The following OR8K1 variants were observed in gnomAD, a reference collection of about 807,000 sequenced individuals.
OR8K1 encodes the protein olfactory receptor family 8 subfamily K member 1.
For synonymous variants in OR8K1, 157 were observed against 139.4 expected, an observed-to-expected ratio of 1.13 and a Z score of -0.89; for missense variants, 417 against 374.0, an observed-to-expected ratio of 1.11 and a Z score of -0.95.
Position 56,346,830 on chromosome 11 carries a change from T to G in OR8K1, c.792T>G (p.Ile264Met). 1 of 1,614,064 alleles carries G rather than the reference T, an allele frequency of 6.2e-7. No homozygotes were observed. Among genetic ancestry groups the G allele is most frequent in the South Asian group, 1.1e-5 (1 of 91,082 alleles). Residue 264 changes from isoleucine (I) to methionine (M), a missense_variant, in exon 1 of 1, where the codon ATT (isoleucine) becomes ATG (methionine). Physicochemically the swap from Ile to Met is conservative, Grantham distance 10 (BLOSUM62 1). Transcript: ENST00000279783. Reference sequence around the variant, plus strand: ...TGTTCTATGGGACATTGTTATTTATTTACTTGCAACCCAAGTCCAGTCATA... The same window carrying G: ...TGTTCTATGGGACATTGTTATTTATGTACTTGCAACCCAAGTCCAGTCATA... ...VIMFYGTLLFIYLQPKSSHTL... is the reference protein window; with the variant it reads ...VIMFYGTLLFMYLQPKSSHTL...
In OR8K1 at chr11:56,346,074, G is replaced by A; in HGVS notation, c.36G>A (p.Val12=). ...NHVVKHNHTA[V]TKVTEFILMG... ...TGGTAAAACACAATCACACGGCAGT[G>A]ACCAAGGTGACTGAATTTATTCTCA... Residue 12 remains valine (V), a synonymous_variant, in exon 1 of 1, where the codon GTG becomes GTA. Transcript: ENST00000279783. 3 of 1,611,428 alleles carry A rather than the reference G, an allele frequency of 1.9e-6. No homozygotes were observed. The highest frequency in any genetic ancestry group is 8.5e-7 in the Non-Finnish European group (1 of 1,177,956).
chr11:56,346,091 T>G lies in OR8K1; in HGVS notation c.53T>G (p.Phe18Cys). The G allele has an allele frequency of 6.2e-7, 1 of 1,613,216 alleles. No homozygotes were observed. The highest frequency in any genetic ancestry group is 8.5e-7 in the Non-Finnish European group (1 of 1,179,336). Residue 18 changes from phenylalanine to cysteine, a missense_variant, in exon 1 of 1, where the codon TTT becomes TGT. By Grantham distance (205) the Phe-to-Cys change is radical (BLOSUM62 -2). Transcript: ENST00000279783. Reference sequence around the variant, plus strand: ...ACGGCAGTGACCAAGGTGACTGAATTTATTCTCATGGGGATTACAGACAAC... The same window carrying G: ...ACGGCAGTGACCAAGGTGACTGAATGTATTCTCATGGGGATTACAGACAAC... ...NHTAVTKVTE[F>C]ILMGITDNPG...
In OR8K1 at chr11:56,346,720, C is replaced by G; in HGVS notation, c.682C>G (p.Leu228Val). 2 of 1,613,852 alleles carry G rather than the reference C, an allele frequency of 1.2e-6. No homozygotes were observed. Among genetic ancestry groups the G allele is most frequent in the Non-Finnish European group, 1.7e-6 (2 of 1,179,826 alleles). Residue 228 changes from leucine (L) to valine (V), a missense_variant, in exon 1 of 1, where the codon CTA (leucine) becomes GTA (valine). Coordinates refer to ENST00000279783, the MANE Select transcript of OR8K1 (RefSeq NM_001002907.1). ...SIVLISYMFI[L>V]VAILRMNSRK... ...TGTTCTCATATCCTACATGTTTATT[C>G]TAGTGGCCATTCTCAGAATGAACTC... is the stretch of plus-strand genomic sequence containing the variant.
At position 56,346,245 on chromosome 11, in the gene OR8K1, T is replaced by C. The variant is rs779914918; in HGVS notation, c.207T>C (p.Leu69=). Residue 69 remains leucine (L), a synonymous_variant, in exon 1 of 1, where the codon CTT becomes CTC. Coordinates refer to ENST00000279783, the MANE Select transcript of OR8K1 (RefSeq NM_001002907.1). ...SKLHTPMYFF[L]RHLSITDLGY... is the part of the protein sequence containing the mutation. ...TACACACCCCCATGTACTTTTTCCT[T>C]AGACATTTGTCAATCACTGATCTTG... is the stretch of plus-strand genomic sequence containing the variant. 5.6e-6 allele frequency: 9 copies of C among 1,614,186 alleles called. No homozygotes were observed. Among genetic ancestry groups the C allele is most frequent in the Middle Eastern group, 1.6e-4 (1 of 6,062 alleles).
In OR8K1 at chr11:56,346,874, T is replaced by A. The variant is rs1285309106; in HGVS notation, c.836T>A (p.Met279Lys). 3.1e-6 allele frequency: 5 copies of A among 1,613,990 alleles called. No homozygotes were observed. The highest frequency in any genetic ancestry group is 4.2e-6 in the Non-Finnish European group (5 of 1,179,994). ...AGTCATACTTTGGCTATTGATAAAA[T>A]GGCCTCAGTGTTTTATACCCTGTTG... ...KSSHTLAIDKMASVFYTLLIP... is the reference protein window; with the variant it reads ...KSSHTLAIDKKASVFYTLLIP... The change falls in exon 1 of 1, where the codon ATG becomes AAG. Residue 279 changes from methionine to lysine, a missense_variant. By Grantham distance (95) the Met-to-Lys change is moderately conservative. Coordinates refer to ENST00000279783, the MANE Select transcript of OR8K1 (RefSeq NM_001002907.1).
rs1854843686 is a variant in OR8K1, at chr11:56,346,864, A to G, written c.826A>G (p.Ile276Val). The G allele has an allele frequency of 1.2e-6, 2 of 1,614,070 alleles. No homozygotes were observed. Among genetic ancestry groups the G allele is most frequent in the Non-Finnish European group, 1.7e-6 (2 of 1,179,966 alleles). Reference protein sequence around the residue: ...LQPKSSHTLAIDKMASVFYTL... With the variant: ...LQPKSSHTLAVDKMASVFYTL... ...ACCCAAGTCCAGTCATACTTTGGCTATTGATAAAATGGCCTCAGTGTTTTA... is the reference window on the plus strand; with the variant it reads ...ACCCAAGTCCAGTCATACTTTGGCTGTTGATAAAATGGCCTCAGTGTTTTA... Residue 276 changes from isoleucine (I) to valine (V), a missense_variant, in exon 1 of 1, where the codon ATT (isoleucine) becomes GTT (valine). By Grantham distance (29) the Ile-to-Val change is conservative. Coordinates refer to ENST00000279783, the MANE Select transcript of OR8K1 (RefSeq NM_001002907.1).
At position 56,346,252 on chromosome 11, in the gene OR8K1, T is replaced by A; in HGVS notation, c.214T>A (p.Leu72Met). 6.2e-7 allele frequency: 1 copy of A among 1,614,170 alleles called. No individual in the cohort carries two copies. Among genetic ancestry groups the A allele is most frequent in the Middle Eastern group, 1.6e-4 (1 of 6,062 alleles). ...CCCCATGTACTTTTTCCTTAGACAT[T>A]TGTCAATCACTGATCTTGGTTACTC... ...HTPMYFFLRH[L>M]SITDLGYSTV... Residue 72 changes from leucine (L) to methionine (M), a missense_variant, in exon 1 of 1, where the codon TTG becomes ATG. Leu to Met is a conservative substitution (Grantham distance 15). Transcript: ENST00000279783.
In OR8K1 at chr11:56,346,714, T is replaced by C. The variant is rs1235801826; in HGVS notation, c.676T>C (p.Phe226Leu). The stretch of plus-strand genomic sequence containing the variant: ...CTCAATTGTTCTCATATCCTACATG[T>C]TTATTCTAGTGGCCATTCTCAGAAT... ...SLSIVLISYM[F>L]ILVAILRMNS... The change falls in exon 1 of 1, where the codon TTT becomes CTT. Residue 226 changes from phenylalanine to leucine, a missense_variant. By Grantham distance (22) the Phe-to-Leu change is conservative (BLOSUM62 0). Coordinates refer to ENST00000279783, the MANE Select transcript of OR8K1 (RefSeq NM_001002907.1). 2 of 1,613,850 alleles carry C rather than the reference T, an allele frequency of 1.2e-6. No individual in the cohort carries two copies. Among genetic ancestry groups the C allele is most frequent in the Non-Finnish European group, 8.5e-7 (1 of 1,179,804 alleles).
At position 56,346,067 on chromosome 11, in the gene OR8K1, C is replaced by T. The variant is rs140629640; in HGVS notation, c.29C>T (p.Thr10Met). ...AATCATGTGGTAAAACACAATCACA[C>T]GGCAGTGACCAAGGTGACTGAATTT... Reference protein sequence around the residue: MNHVVKHNHTAVTKVTEFIL... With the variant: MNHVVKHNHMAVTKVTEFIL... Residue 10 changes from threonine to methionine, a missense_variant, in exon 1 of 1, where the codon ACG becomes ATG. By Grantham distance (81) the Thr-to-Met change is moderately conservative. Coordinates refer to ENST00000279783, the MANE Select transcript of OR8K1 (RefSeq NM_001002907.1). 6.3e-5 allele frequency: 102 copies of T among 1,607,860 alleles called. No individual in the cohort carries two copies. Among genetic ancestry groups the T allele is most frequent in the Admixed American group, 1.0e-4 (6 of 59,636 alleles).
At position 56,346,861 on chromosome 11, in the gene OR8K1, G is replaced by A. The variant is rs1195744927; in HGVS notation, c.823G>A (p.Ala275Thr). The change falls in exon 1 of 1, where the codon GCT becomes ACT. Residue 275 changes from alanine to threonine, a missense_variant. Transcript: ENST00000279783. Reference protein sequence around the residue: ...YLQPKSSHTLAIDKMASVFYT... With the variant: ...YLQPKSSHTLTIDKMASVFYT... ...GCAACCCAAGTCCAGTCATACTTTG[G>A]CTATTGATAAAATGGCCTCAGTGTT... 6.2e-7 allele frequency: 1 copy of A among 1,613,974 alleles called. No homozygotes were observed. Among genetic ancestry groups the A allele is most frequent in the East Asian group, 2.2e-5 (1 of 44,870 alleles).
At position 56,346,583 on chromosome 11, in the gene OR8K1, A is replaced by AT. The variant is rs1854837228; in HGVS notation, c.550dup (p.Tyr184LeufsTer3). On this transcript the variant is annotated frameshift_variant, in exon 1 of 1. Coordinates refer to ENST00000279783, the MANE Select transcript of OR8K1 (RefSeq NM_001002907.1). LOFTEE classifies it low-confidence loss of function (END_TRUNC). ...TTCTGTGGCTCAAACATAATCAGCTATTTTTACTGTGACTGTATCCCTCTG... is the reference window on the plus strand; with the variant it reads ...TTCTGTGGCTCAAACATAATCAGCTATTTTTTACTGTGACTGTATCCCTCTG... 2.5e-6 allele frequency: 4 copies of AT among 1,613,674 alleles called. No homozygotes were observed. The highest frequency in any genetic ancestry group is 3.3e-5 in the Admixed American group (2 of 60,010).
Position 56,346,220 on chromosome 11 carries a change from T to C in OR8K1, c.182T>C (p.Leu61Pro), listed in dbSNP as rs763877260. 2.5e-6 allele frequency: 4 copies of C among 1,614,086 alleles called. No homozygotes were observed. Among genetic ancestry groups the C allele is most frequent in the Non-Finnish European group, 3.4e-6 (4 of 1,179,968 alleles). ...ATCTTGACCTACTTGGACTCCAAGC[T>C]ACACACCCCCATGTACTTTTTCCTT... Reference protein sequence around the residue: ...MVILTYLDSKLHTPMYFFLRH... With the variant: ...MVILTYLDSKPHTPMYFFLRH... Residue 61 changes from leucine (L) to proline (P), a missense_variant, in exon 1 of 1, where the codon CTA (leucine) becomes CCA (proline). Transcript: ENST00000279783.
chr11:56,346,892 C>T lies in OR8K1; in HGVS notation c.854C>T (p.Thr285Ile). Residue 285 changes from threonine to isoleucine, a missense_variant, in exon 1 of 1, where the codon ACC (threonine) becomes ATC (isoleucine). Physicochemically the swap from Thr to Ile is moderately conservative, Grantham distance 89. Coordinates refer to ENST00000279783, the MANE Select transcript of OR8K1 (RefSeq NM_001002907.1). ...GATAAAATGGCCTCAGTGTTTTATA[C>T]CCTGTTGATTCCTATGCTGAATCCG... ...AIDKMASVFY[T>I]LLIPMLNPLI... The T allele has an allele frequency of 3.7e-6, 6 of 1,613,888 alleles. No homozygotes were observed. The highest frequency in any genetic ancestry group is 5.1e-6 in the Non-Finnish European group (6 of 1,179,894).
chr11:56,346,322 A>G lies in OR8K1; in HGVS notation c.284A>G (p.Lys95Arg). ...ATGTTAGTAAACTTCATAGTGCACA[A>G]AAACACAATTTCTTACAATTGGTAT... ...PKMLVNFIVH[K>R]NTISYNWYAT... is the part of the protein sequence containing the mutation. Residue 95 changes from lysine to arginine, a missense_variant, in exon 1 of 1, where the codon AAA becomes AGA. By Grantham distance (26) the Lys-to-Arg change is conservative. Coordinates refer to ENST00000279783, the MANE Select transcript of OR8K1 (RefSeq NM_001002907.1). 1 of 1,614,194 alleles carries G rather than the reference A, an allele frequency of 6.2e-7. No individual in the cohort carries two copies.
chr11:56,346,373 T>C lies in OR8K1; in HGVS notation c.335T>C (p.Ile112Thr), dbSNP rs1854830997. ...GCCACTCAGCTAGCATTCTTTGAGA[T>C]TTTCATCATCTCTGAGCTCTTTATT... The part of the protein sequence containing the change: ...WYATQLAFFE[I>T]FIISELFILS... The change falls in exon 1 of 1, where the codon ATT becomes ACT. Residue 112 changes from isoleucine to threonine, a missense_variant. By Grantham distance (89) the Ile-to-Thr change is moderately conservative (BLOSUM62 -1). Coordinates refer to ENST00000279783, the MANE Select transcript of OR8K1 (RefSeq NM_001002907.1). The C allele has an allele frequency of 3.1e-6, 5 of 1,614,056 alleles. No individual in the cohort carries two copies. The African/African-American group carries it at 4.0e-5, about 13-fold the overall frequency.
Position 56,346,577 on chromosome 11 carries a change from T to A in OR8K1, c.539T>A (p.Ile180Asn), listed in dbSNP as rs1356127456. Residue 180 changes from isoleucine to asparagine, a missense_variant, in exon 1 of 1, where the codon ATC becomes AAC. Ile to Asn is a moderately radical substitution (Grantham distance 149). Transcript: ENST00000279783. Reference sequence around the variant, plus strand: ...CTGTCCTTCTGTGGCTCAAACATAATCAGCTATTTTTACTGTGACTGTATC... The same window carrying A: ...CTGTCCTTCTGTGGCTCAAACATAAACAGCTATTTTTACTGTGACTGTATC... ...FKLSFCGSNI[I>N]SYFYCDCIPL... 2 of 1,613,688 alleles carry A rather than the reference T, an allele frequency of 1.2e-6. No homozygotes were observed. Among genetic ancestry groups the A allele is most frequent in the South Asian group, 2.2e-5 (2 of 91,082 alleles).
At position 56,346,140 on chromosome 11, in the gene OR8K1, T is replaced by A; in HGVS notation, c.102T>A (p.Phe34Leu). ...TDNPGLQAPL[F>L]GLFLIIYLVT... ...ACCCTGGGCTGCAGGCTCCACTGTT[T>A]GGACTCTTCCTCATCATATATCTGG... Residue 34 changes from phenylalanine (F) to leucine (L), a missense_variant, in exon 1 of 1, where the codon TTT becomes TTA. Physicochemically the swap from Phe to Leu is conservative, Grantham distance 22. Coordinates refer to ENST00000279783, the MANE Select transcript of OR8K1 (RefSeq NM_001002907.1). 6.2e-7 allele frequency: 1 copy of A among 1,614,092 alleles called. No homozygotes were observed. The highest frequency in any genetic ancestry group is 8.5e-7 in the Non-Finnish European group (1 of 1,179,990).
rs1447298920 is a variant in OR8K1, at chr11:56,346,627, G to T, written c.589G>T (p.Asp197Tyr). 5 of 1,613,860 alleles carry T rather than the reference G, an allele frequency of 3.1e-6. No individual in the cohort carries two copies. Among genetic ancestry groups the T allele is most frequent in the Non-Finnish European group, 4.2e-6 (5 of 1,179,910 alleles). The change falls in exon 1 of 1, where the codon GAC (aspartate) becomes TAC (tyrosine). Residue 197 changes from aspartate (D) to tyrosine (Y), a missense_variant. Transcript: ENST00000279783. ...CIPLMSILCS[D>Y]TNELELIILI... The stretch of plus-strand genomic sequence containing the variant: ...CCCTCTGATGTCCATACTCTGTTCT[G>T]ACACAAATGAATTAGAATTAATAAT...
Position 56,346,315 on chromosome 11 carries a change from G to A in OR8K1, c.277G>A (p.Val93Met), listed in dbSNP as rs2134898590. The change falls in exon 1 of 1, where the codon GTG becomes ATG. Residue 93 changes from valine (V) to methionine (M), a missense_variant. Physicochemically the swap from Val to Met is conservative, Grantham distance 21. Coordinates refer to ENST00000279783, the MANE Select transcript of OR8K1 (RefSeq NM_001002907.1). ...CCCGAAGATGTTAGTAAACTTCATA[G>A]TGCACAAAAACACAATTTCTTACAA... is the stretch of plus-strand genomic sequence containing the variant. ...IAPKMLVNFI[V>M]HKNTISYNWY... The A allele has an allele frequency of 2.5e-6, 4 of 1,614,058 alleles. No individual in the cohort carries two copies. Among genetic ancestry groups the A allele is most frequent in the Middle Eastern group, 1.6e-4 (1 of 6,062 alleles).
Sources: gnomAD v4.1 joint callset for allele counts on GRCh38, gnomAD v4.1.1 for gene constraint, MANE v1.5 for transcripts, NCBI Gene and HGNC (gene_info 2026-07-23, HGNC 2026-07-21) for gene names.